SOX6: variants seen among roughly 807,000 people sequenced by gnomAD.
SOX6 encodes the protein transcription factor SOX-6.
SOX6 carries 11 observed loss-of-function variants against 97.8 expected under a neutral mutation model. That is an observed-to-expected ratio of 0.11 (90% CI 0.07 to 0.19). SOX6 has a LOEUF of 0.19. SOX6 is among the 10% of genes least tolerant of loss of function. The probability of loss-of-function intolerance (pLI) is 1.00; values close to 1 mark genes in which losing one functional copy is unlikely to be tolerated. For missense variants in SOX6, 810 were observed against 1,039.5 expected (o/e 0.78, Z 3.04); for synonymous variants, 360 against 371.4 (o/e 0.97, Z 0.35).
intron 1 of SOX6, among the ~76,000 whole-genome samples, chr11:16,416,909 A>C (rs553686069): frequency 2.0e-4 from 30 of 152,310 alleles, no homozygotes; most frequent in African/African-American, 7.0e-4. Context: ...AGACAGAAGT[A>C]TTCCATAGAA....
intron 3 of SOX6, among the ~76,000 whole-genome samples, chr11:16,644,510 T>C (rs1250879432): frequency 6.6e-6 from 1 of 152,220 alleles, no homozygotes; most frequent in African/African-American, 2.4e-5. Context: ...TGTTCATATC[T>C]GTAATTCCTA....
At chr11:16,256,257 A>G (rs1565051604) in intron 3 of SOX6, among the ~76,000 whole-genome samples, 1 of 151,986 alleles carries the variant, frequency 6.6e-6, no homozygotes, top group Non-Finnish European at 1.5e-5. Flanking sequence ...GAAAATAAAA[A>G]CCATACATCA....
chr11:16,133,834 G>A (rs371527085), intron 6 of SOX6, among the ~76,000 whole-genome samples: 8 of 152,016 alleles, frequency 5.3e-5, no homozygotes, highest in South Asian at 2.1e-4. Context: ...GATGACAGGC[G>A]CCCTCCACCA....
At chr11:16,634,557 A>G (rs976482250) in intron 3 of SOX6, among the ~76,000 whole-genome samples, 1 of 152,342 alleles carries the variant, frequency 6.6e-6, no homozygotes, top group African/African-American at 2.4e-5. Flanking sequence ...TATTATTTGA[A>G]TGTAGCTTAC....
rs1206073310 is a variant in SOX6 at position 16,191,872 on chromosome 11, CT to C, written c.536-4918del. On this transcript the variant is annotated intron_variant, in intron 4 of 15. Transcript: ENST00000683767. ...TTTTTTCTTTTTTTTCTTTTTTTTT[CT>C]TTTTTTTTGTTCCATGGGGTCGTCT... Among the ~76,000 whole-genome samples, 594 of 128,488 alleles carry C rather than the reference CT, an allele frequency of 4.6e-3. 2 individuals are homozygous for C. The highest frequency in any genetic ancestry group is 0.016 in the African/African-American group (564 of 34,420). The allele number at this position is 128,488 out of a possible 152,430, so 84.3% of individuals were successfully genotyped here.
At chr11:16,637,048 T>C (rs1848800308) in intron 3 of SOX6, among the ~76,000 whole-genome samples, 2 of 152,236 alleles carry the variant, frequency 1.3e-5, no homozygotes, top group African/African-American at 4.8e-5. Context: ...TTCATTATTT[T>C]TGTTGTTGAT....
chr11:16,452,794 A>T (rs1859743116), intron 1 of SOX6, among the ~76,000 whole-genome samples: 1 of 152,178 alleles, frequency 6.6e-6, no homozygotes, highest in African/African-American at 2.4e-5. Flanking sequence ...AGTGTAAAGG[A>T]TCCCTGAAGA....
At chr11:16,565,485 T>C (rs919963983) in intron 4 of SOX6, among the ~76,000 whole-genome samples, 114 of 151,550 alleles carry the variant, frequency 7.5e-4, no homozygotes, top group Non-Finnish European at 2.1e-4. Context: ...GAAACAAATA[T>C]GATACAAAAA....
intron 10 of SOX6, among the ~76,000 whole-genome samples, chr11:16,051,741 T>C (rs1199683120): frequency 6.6e-6 from 1 of 152,164 alleles, no homozygotes; most frequent in Non-Finnish European, 1.5e-5. Context: ...TTCTAAAAAA[T>C]CTAAATTTAA....
intron 3 of SOX6, among the ~76,000 whole-genome samples, chr11:16,248,399 C>T (rs1006340543): frequency 3.3e-5 from 5 of 152,172 alleles, no homozygotes; most frequent in African/African-American, 1.2e-4. Flanking sequence ...CCACACTGCC[C>T]TATCAGAGGT....
intron 4 of SOX6, among the ~76,000 whole-genome samples, chr11:16,598,767 G>A (rs1175991717): frequency 6.6e-6 from 1 of 151,914 alleles, no homozygotes; most frequent in Non-Finnish European, 1.5e-5. Context: ...TTTCAAAGAA[G>A]CAAAGAAATT....
intron 4 of SOX6, among the ~76,000 whole-genome samples, chr11:16,540,021 A>G (rs549068304): frequency 6.6e-6 from 1 of 152,318 alleles, no homozygotes; most frequent in African/African-American, 2.4e-5. Context: ...AACAAAAAAA[A>G]GAGAATTTTA....
intron 4 of SOX6, among the ~76,000 whole-genome samples, chr11:16,486,180 ATT>A (rs1441416425): frequency 1.3e-5 from 2 of 152,066 alleles, no homozygotes; most frequent in Non-Finnish European, 2.9e-5. Flanking sequence ...CAAAATTTGT[ATT>A]TTGACGTCTT....
chr11:16,424,724 A>T (rs1318025575), intron 1 of SOX6, among the ~76,000 whole-genome samples: 1 of 152,246 alleles, frequency 6.6e-6, no homozygotes, highest in African/African-American at 2.4e-5. Flanking sequence ...TTTCAAAGAG[A>T]AATATCTATA....
rs1329126896 is a variant in SOX6 at position 15,967,024 on chromosome 11, T to A, written c.*5785A>T. 1 of 152,212 alleles carries A rather than the reference T, an allele frequency of 6.6e-6. No individual in the cohort carries two copies. The highest frequency in any genetic ancestry group is 1.5e-5 in the Non-Finnish European group (1 of 68,036). 9.4% of individuals were successfully genotyped at this position (152,212 alleles called of 1,614,324 possible). ...GCAACCCTTAAGGTCATTTAAAAACTTTACACTGGACTGTACAAGATTTTT... is the reference window on the plus strand; with the variant it reads ...GCAACCCTTAAGGTCATTTAAAAACATTACACTGGACTGTACAAGATTTTT... On this transcript the variant is annotated 3_prime_UTR_variant, in exon 16 of 16. Coordinates refer to ENST00000683767, the MANE Select transcript of SOX6 (RefSeq NM_001367873.1).
intron 1 of SOX6, 149 bp from the exon 2 acceptor site, chr11:16,341,401 T>G (rs1856629615): frequency 1.8e-6 from 2 of 1,082,280 alleles, no homozygotes; most frequent in African/African-American, 3.2e-5. Context: ...AAAGAACTCC[T>G]GGCTTATGTG....
intron 4 of SOX6, among the ~76,000 whole-genome samples, chr11:16,200,322 T>C (rs967535224): frequency 6.6e-6 from 1 of 152,200 alleles, no homozygotes; most frequent in Admixed American, 6.5e-5. Flanking sequence ...GCTGACTCAC[T>C]TTCTACAGTT....
chr11:16,005,625 C>T (rs1292610427), intron 13 of SOX6, among the ~76,000 whole-genome samples: 1 of 151,980 alleles, frequency 6.6e-6, no homozygotes, highest in Non-Finnish European at 1.5e-5. Flanking sequence ...TGTGTAGGAT[C>T]AACCTTCCCA....
At chr11:16,162,800 A>C (rs1454192914) in intron 6 of SOX6, among the ~76,000 whole-genome samples, 1 of 152,196 alleles carries the variant, frequency 6.6e-6, no homozygotes, top group African/African-American at 2.4e-5. Flanking sequence ...TGGTTTTCTT[A>C]AGTGTAAAAT....
Sources: allele counts gnomAD v4.1 joint callset (sites outside exome capture counted in the v4.1 genomes callset), GRCh38; gene constraint gnomAD v4.1.1; transcripts MANE v1.5; gene names NCBI Gene and HGNC (gene_info 2026-07-23, HGNC 2026-07-21).